FBXL19: variants seen among roughly 807,000 people sequenced by gnomAD.
FBXL19 encodes the protein F-box and leucine rich repeat protein 19.
A neutral mutation model predicts 71.2 loss-of-function variants in FBXL19; 16 were observed. The observed-to-expected ratio is 0.22, with a 90% confidence interval of 0.15 to 0.34. The LOEUF (loss-of-function observed/expected upper bound fraction) is 0.34, where lower values mean the gene tolerates loss of function less well. FBXL19 is among the 10% of genes least tolerant of loss of function. The pLI is 1.00. For missense variants in FBXL19, 658 were observed against 968.2 expected, an observed-to-expected ratio of 0.68 and a Z score of 4.25; for synonymous variants, 447 against 409.4, an observed-to-expected ratio of 1.09 and a Z score of -1.11.
Position 30,927,627 on chromosome 16 carries a change from C to G in FBXL19, c.376C>G (p.Pro126Ala), listed in dbSNP as rs1485997767. The change falls in exon 4 of 11, where the codon CCT becomes GCT. Residue 126 changes from proline to alanine, a missense_variant. Transcript: ENST00000338343. Reference protein sequence around the residue: ...NAEIPNCWECPRCTQEGRTSK... With the variant: ...NAEIPNCWECARCTQEGRTSK... ...AGAGATCCCCAACTGCTGGGAGTGC[C>G]CTCGCTGCACCCAGGAAGGCCGCAC... 1 of 1,564,934 alleles carries G rather than the reference C, an allele frequency of 6.4e-7. No homozygotes were observed. The highest frequency in any genetic ancestry group is 8.7e-7 in the Non-Finnish European group (1 of 1,154,878).
rs780158953 is a variant in FBXL19, at chr16:30,930,310, G to A, written c.1027G>A (p.Glu343Lys). 5.0e-6 allele frequency: 8 copies of A among 1,608,890 alleles called. No homozygotes were observed. Among genetic ancestry groups the A allele is most frequent in the Non-Finnish European group, 4.2e-6 (5 of 1,177,548 alleles). ...ACGGCCAGCCCGGGGCAGCTCTGGC[G>A]AGAAGGAGAACCGTGGGGGGCGGCG... ...GRRPARGSSGEKENRGGRRAV... is the reference protein window; with the variant it reads ...GRRPARGSSGKKENRGGRRAV... The change falls in exon 7 of 11, where the codon GAG becomes AAG. Residue 343 changes from glutamate to lysine, a missense_variant. By Grantham distance (56) the Glu-to-Lys change is moderately conservative. Around this residue, in one of 8 missense-constraint regions of FBXL19, gnomAD observed 447 missense variants for 515.4 expected, o/e 0.87. Transcript: ENST00000338343. This position sits in a 1 kb window ranked among gnomAD's most constrained non-coding sequence, Gnocchi z 8.5.
chr16:30,943,113 A>G (rs548111003), intron 9 of FBXL19, among the ~76,000 whole-genome samples: 16 of 152,362 alleles, frequency 1.1e-4, no homozygotes, highest in African/African-American at 3.8e-4. Flanking sequence ...TGAATGAGCA[A>G]TCAGGATGGG....
chr16:30,931,893 ATTTTTT>A, intron 7 of FBXL19, among the ~76,000 whole-genome samples: 1 of 132,260 alleles, frequency 7.6e-6, no homozygotes, highest in South Asian at 2.4e-4. Context: ...CACCCGGCTA[ATTTTTT>A]TTTTTTTTTT....
At chr16:30,945,992 A>G (rs150078356) in intron 9 of FBXL19, among the ~76,000 whole-genome samples, 223 of 152,150 alleles carry the variant, frequency 1.5e-3, no homozygotes, top group African/African-American at 5.2e-3. Context: ...TTGCATTGCT[A>G]TAAAGAAATA....
At chr16:30,932,504 G>A (rs2055686330) in intron 7 of FBXL19, among the ~76,000 whole-genome samples, 1 of 152,228 alleles carries the variant, frequency 6.6e-6, no homozygotes, top group South Asian at 2.1e-4. Context: ...GAGAGGCAAT[G>A]GCTCCCAGTG....
intron 9 of FBXL19, among the ~76,000 whole-genome samples, chr16:30,944,549 C>T (rs1366477531): frequency 2.0e-5 from 3 of 152,128 alleles, no homozygotes; most frequent in Admixed American, 6.6e-5. Flanking sequence ...CATAGTATTC[C>T]ATGGTGTATA....
chr16:30,928,345 T>C, intron 5 of FBXL19, 122 bp from the exon 6 acceptor site: 1 of 1,075,700 alleles, frequency 9.3e-7, no homozygotes, highest in Non-Finnish European at 1.3e-6. Context: ...CTCAGAGTTA[T>C]CCCTGGGACG....
chr16:30,924,601 T>A (rs1484816388), intron 1 of FBXL19, 142 bp downstream of exon 1: 3 of 1,362,794 alleles, frequency 2.2e-6, no homozygotes, highest in East Asian at 3.1e-5. Context: ...CTCCTTCCTA[T>A]GACCTCTCCA....
chr16:30,929,211 G>C (rs541241418), intron 6 of FBXL19, among the ~76,000 whole-genome samples: 7 of 152,296 alleles, frequency 4.6e-5, no homozygotes, highest in Admixed American at 3.9e-4. Flanking sequence ...TCCTGCCTCT[G>C]CTGTTTGTCA....
intron 7 of FBXL19, among the ~76,000 whole-genome samples, chr16:30,936,759 T>C (rs1465982052): frequency 2.7e-5 from 4 of 149,742 alleles, no homozygotes; most frequent in African/African-American, 4.9e-5. Context: ...TTTTTTTTTT[T>C]TGAGGCAGAG....
At position 30,924,429 on chromosome 16, in the gene FBXL19, A is replaced by AG. The variant is rs2055565292; in HGVS notation, c.-52dup. 1 of 276,928 alleles carries AG rather than the reference A, an allele frequency of 3.6e-6. No individual in the cohort carries two copies. Among genetic ancestry groups the AG allele is most frequent in the Non-Finnish European group, 6.7e-6 (1 of 149,846 alleles). The allele number at this position is 276,928 out of a possible 1,614,324, so 17.2% of individuals were successfully genotyped here. ...GCCGACCCGCCGGGAGCTGCCGAGA[A>AG]GGGAGAGATGGCTCCCGGGACACGT... On this transcript the variant is annotated 5_prime_UTR_variant, in exon 1 of 11. The change abolishes the stop of an existing upstream ORF in the 5' untranslated region. Coordinates refer to ENST00000338343, the MANE Select transcript of FBXL19 (RefSeq NM_001382779.1).
chr16:30,934,445 G>A (rs1409219678), intron 7 of FBXL19, among the ~76,000 whole-genome samples: 1 of 152,008 alleles, frequency 6.6e-6, no homozygotes, highest in Non-Finnish European at 1.5e-5. Context: ...ATCACCTGAG[G>A]TCAGGAGTTT....
Position 30,924,433 on chromosome 16 carries a change from A to G in FBXL19, c.-51A>G. ...ACCCGCCGGGAGCTGCCGAGAAGGGAGAGATGGCTCCCGGGACACGTGTGA... is the reference window on the plus strand; with the variant it reads ...ACCCGCCGGGAGCTGCCGAGAAGGGGGAGATGGCTCCCGGGACACGTGTGA... On this transcript the variant is annotated 5_prime_UTR_variant, in exon 1 of 11. Coordinates refer to ENST00000338343, the MANE Select transcript of FBXL19 (RefSeq NM_001382779.1). The G allele has an allele frequency of 3.5e-6, 1 of 285,568 alleles. No individual in the cohort carries two copies. Among genetic ancestry groups the G allele is most frequent in the South Asian group, 1.5e-4 (1 of 6,864 alleles). 17.7% of individuals were successfully genotyped at this position (285,568 alleles called of 1,614,324 possible).
At chr16:30,929,946 G>A in intron 6 of FBXL19, 127 bp from the exon 7 acceptor site, 1 of 1,305,026 alleles carries the variant, frequency 7.7e-7, no homozygotes, top group Non-Finnish European at 1.0e-6. Flanking sequence ...TCACTGTCCG[G>A]AGCAGAGCCA....
At position 30,925,856 on chromosome 16, in the gene FBXL19, C is replaced by T. The variant is rs1345641900; in HGVS notation, c.102C>T (p.His34=). The T allele has an allele frequency of 6.6e-7, 1 of 1,509,132 alleles. No individual in the cohort carries two copies. The highest frequency in any genetic ancestry group is 8.8e-7 in the Non-Finnish European group (1 of 1,133,476). The allele number at this position is 1,509,132 out of a possible 1,614,324, so 93.5% of individuals were successfully genotyped here. A position where few individuals can be genotyped will look rare whatever the true frequency, so the allele number is the denominator to read the frequency against. Residue 34 remains histidine, a synonymous_variant, in exon 2 of 11, where the codon CAC becomes CAT. Coordinates refer to ENST00000338343, the MANE Select transcript of FBXL19 (RefSeq NM_001382779.1). This position sits in a 1 kb window ranked among gnomAD's most constrained non-coding sequence, Gnocchi z 5.0. The part of the protein sequence containing the change: ...ACVRTECGDC[H]FCRDMKKFGG... The stretch of plus-strand genomic sequence containing the variant: ...TGCGAACTGAGTGCGGGGATTGCCA[C>T]TTCTGCCGAGACATGAAGAAGTTCG...
intron 9 of FBXL19, among the ~76,000 whole-genome samples, chr16:30,943,736 C>G (rs1017157668): frequency 2.0e-5 from 3 of 152,020 alleles, no homozygotes; most frequent in African/African-American, 7.2e-5. Flanking sequence ...CTCCTTGTCT[C>G]AAGTGATCTG....
intron 3 of FBXL19, 61 bp downstream of exon 3, chr16:30,927,512 G>A (rs2055606166): frequency 1.3e-6 from 2 of 1,559,914 alleles, no homozygotes; most frequent in Non-Finnish European, 1.7e-6. Context: ...CAGAGAGTGG[G>A]GGATCACCCT....
chr16:30,938,088 G>C (rs2055758274), intron 7 of FBXL19, among the ~76,000 whole-genome samples: 2 of 151,962 alleles, frequency 1.3e-5, no homozygotes, highest in South Asian at 4.1e-4. Flanking sequence ...TTGAGAGGAA[G>C]GAATCAGGAG....
intron 7 of FBXL19, among the ~76,000 whole-genome samples, chr16:30,935,321 G>A (rs576182301): frequency 2.6e-5 from 4 of 152,326 alleles, no homozygotes; most frequent in East Asian, 3.9e-4. Context: ...ATGCAGTGTG[G>A]AAGGATGTAC....
Sources: allele counts gnomAD v4.1 joint callset (sites outside exome capture counted in the v4.1 genomes callset), GRCh38; gene constraint gnomAD v4.1.1; regional missense constraint gnomAD v4.1.1; non-coding constraint Gnocchi (gnomAD v3.1); transcripts MANE v1.5; gene names NCBI Gene and HGNC (gene_info 2026-07-23, HGNC 2026-07-21).